CFAP61: variants seen among roughly 807,000 people sequenced by gnomAD.
CFAP61 encodes cilia- and flagella-associated protein 61.
In CFAP61, 107 loss-of-function variants were observed where a neutral mutation model predicts 135.6. The ratio of observed to expected loss-of-function variants is 0.79; its 90% CI spans 0.67 to 0.93. The LOEUF is 0.93. CFAP61 is among the 40% of genes least tolerant of loss of function. The probability of loss-of-function intolerance (pLI) is 0.00; values close to 1 mark genes in which losing one functional copy is unlikely to be tolerated. For synonymous variants in CFAP61, 575 were observed against 578.5 expected, an observed-to-expected ratio of 0.99 and a Z score of 0.09; for missense variants, 1,507 against 1,556.2, an observed-to-expected ratio of 0.97 and a Z score of 0.53.
At chr20:20,064,047 G>A (rs936475846) in intron 2 of CFAP61, among the ~76,000 whole-genome samples, 16 of 87,188 alleles carry the variant, frequency 1.8e-4, no homozygotes, top group Admixed American at 1.3e-3. Flanking sequence ...CCCCCACCCC[G>A]CCTTATCTGA....
intron 21 of CFAP61, among the ~76,000 whole-genome samples, chr20:20,274,692 G>C (rs2053611892): frequency 6.6e-6 from 1 of 152,068 alleles, no homozygotes; most frequent in Non-Finnish European, 1.5e-5. Context: ...AAAAAGGCAA[G>C]AGGTGGACCT....
intron 10 of CFAP61, among the ~76,000 whole-genome samples, chr20:20,162,555 G>T (rs1373385037): frequency 6.6e-6 from 1 of 152,132 alleles, no homozygotes; most frequent in Non-Finnish European, 1.5e-5. Flanking sequence ...CTTTTAGGAA[G>T]CTAAAAATGT....
chr20:20,067,309 G>A (rs929748301), intron 2 of CFAP61, among the ~76,000 whole-genome samples: 4 of 152,098 alleles, frequency 2.6e-5, no homozygotes, highest in Admixed American at 6.5e-5. Context: ...TCAGCCGGGC[G>A]TGGTAGCTCA....
At chr20:20,111,577 C>T (rs1004627539) in intron 8 of CFAP61, among the ~76,000 whole-genome samples, 10 of 152,152 alleles carry the variant, frequency 6.6e-5, no homozygotes, top group African/African-American at 2.4e-4. Context: ...TGGTCATAAC[C>T]AGTTATGTCT....
At chr20:20,146,925 A>G (rs147885719) in intron 9 of CFAP61, among the ~76,000 whole-genome samples, 22 of 152,268 alleles carry the variant, frequency 1.4e-4, no homozygotes, top group African/African-American at 4.3e-4. Flanking sequence ...CCAAGTCCCC[A>G]AAGTCCATTA....
At chr20:20,190,575 CTT>C (rs2055849165) in intron 14 of CFAP61, among the ~76,000 whole-genome samples, 4 of 152,168 alleles carry the variant, frequency 2.6e-5, no homozygotes, top group Admixed American at 2.0e-4. Context: ...TCATGTGAAA[CTT>C]CATACACCAC....
At chr20:20,343,799 T>C (rs1468671887) in intron 26 of CFAP61, among the ~76,000 whole-genome samples, 1 of 152,178 alleles carries the variant, frequency 6.6e-6, no homozygotes, top group Non-Finnish European at 1.5e-5. Flanking sequence ...GTTTTAGTCT[T>C]AAAGCTTAAA....
intron 13 of CFAP61, chr20:20,171,816 A>T: frequency 1.4e-6 from 1 of 709,562 alleles, no homozygotes; most frequent in South Asian, 1.5e-5. Flanking sequence ...TAGCATCACC[A>T]GAGTGTCAAA....
chr20:20,144,200 A>G (rs531921903), intron 9 of CFAP61, among the ~76,000 whole-genome samples: 28 of 152,348 alleles, frequency 1.8e-4, no homozygotes, highest in African/African-American at 5.3e-4. Context: ...GTGGAATCCA[A>G]TAAAGAATTA....
chr20:20,345,024 C>T (rs2058580322), intron 26 of CFAP61, among the ~76,000 whole-genome samples: 1 of 152,128 alleles, frequency 6.6e-6, no homozygotes. Flanking sequence ...TGTATATTCT[C>T]ACACATGTGT....
intron 8 of CFAP61, among the ~76,000 whole-genome samples, chr20:20,140,128 A>ATTTTT (rs3060428): frequency 7.2e-5 from 7 of 97,306 alleles, no homozygotes; most frequent in African/African-American, 2.2e-4. Context: ...GGTGCTGGAA[A>ATTTTT]TTTTTTTTTT....
chr20:20,167,766 A>G (rs987982731), intron 12 of CFAP61, among the ~76,000 whole-genome samples: 1 of 152,240 alleles, frequency 6.6e-6, no homozygotes, highest in Non-Finnish European at 1.5e-5. Flanking sequence ...AGGTAAGGTC[A>G]GACAATGGTT....
intron 22 of CFAP61, among the ~76,000 whole-genome samples, chr20:20,278,472 A>C (rs1297380051): frequency 1.3e-5 from 2 of 152,236 alleles, no homozygotes; most frequent in Non-Finnish European, 1.5e-5. Flanking sequence ...ACTGAGAAGC[A>C]GGGGAACCTT....
At chr20:20,266,413 T>A (rs896786673) in intron 21 of CFAP61, among the ~76,000 whole-genome samples, 2 of 152,224 alleles carry the variant, frequency 1.3e-5, no homozygotes. Context: ...TAATTTCAGC[T>A]CTACTCTATC....
chr20:20,264,296 G>A (rs2052521912), intron 21 of CFAP61, among the ~76,000 whole-genome samples: 1 of 152,026 alleles, frequency 6.6e-6, no homozygotes, highest in African/African-American at 2.4e-5. Flanking sequence ...AGCATTTTTG[G>A]AAGCTCCCCA....
rs554610053 is a variant in CFAP61 at position 20,359,688 on chromosome 20, A to ACAG, written c.3514-520_3514-519insGCA. ...TCAAAAAGCAAAAAACAAAACAACA[A>ACAG]CAACAACAAAACAAGTATGATCTAC... On this transcript the variant is annotated intron_variant, in intron 26 of 26. Transcript: ENST00000245957. The surrounding 1 kb of genome is among the most constrained non-coding windows in gnomAD (Gnocchi z 4.0). Among the ~76,000 whole-genome samples the ACAG allele has an allele frequency of 2.6e-4, 19 of 72,330 alleles. No individual in the cohort carries two copies. In the South Asian group the frequency reaches 6.9e-3, roughly 26 times the overall value. The allele number at this position is 72,330 out of a possible 152,430, so 47.5% of individuals were successfully genotyped here.
chr20:20,119,689 A>G (rs886349177), intron 8 of CFAP61, among the ~76,000 whole-genome samples: 2 of 152,090 alleles, frequency 1.3e-5, no homozygotes, highest in Non-Finnish European at 2.9e-5. Flanking sequence ...GGTTTGTTAC[A>G]TAGGTAAACT....
chr20:20,164,324 C>A, intron 11 of CFAP61, 96 bp downstream of exon 11: 1 of 1,223,404 alleles, frequency 8.2e-7, no homozygotes, highest in African/African-American at 1.5e-5. Flanking sequence ...AATTTCCAAA[C>A]CTGGCCCACA....
chr20:20,054,412 T>TAC (rs759860912), intron 1 of CFAP61, among the ~76,000 whole-genome samples: 13 of 151,470 alleles, frequency 8.6e-5, no homozygotes, highest in Admixed American at 4.6e-4. Context: ...TATATATATA[T>TAC]ATACACACAC....
Sources: gnomAD v4.1 joint callset for allele counts (sites outside exome capture counted in the v4.1 genomes callset) on GRCh38, gnomAD v4.1.1 for gene constraint, Gnocchi (gnomAD v3.1) non-coding constraint, MANE v1.5 for transcripts, NCBI Gene and HGNC (gene_info 2026-07-23, HGNC 2026-07-21) for gene names.